Variants in NTSR1 observed in about 807,000 individuals in gnomAD.
NTSR1 encodes the protein neurotensin receptor type 1.
A neutral mutation model predicts 31.2 loss-of-function variants in NTSR1; 29 were observed. The ratio of observed to expected loss-of-function variants is 0.93; its 90% CI spans 0.69 to 1.27. The LOEUF (loss-of-function observed/expected upper bound fraction) is 1.27. NTSR1 is among the 50% of genes most tolerant of loss of function. The probability of loss-of-function intolerance (pLI) is 0.00; values close to 1 mark genes in which losing one functional copy is unlikely to be tolerated. For synonymous variants in NTSR1, 282 were observed against 269.9 expected (o/e 1.04, Z -0.44); for missense variants, 697 against 595.4 (o/e 1.17, Z -1.78).
At position 62,719,154 on chromosome 20, in the gene NTSR1, A is replaced by C. The variant is rs2427410; in HGVS notation, c.714+9233A>C. Reference sequence around the variant, plus strand: ...AAAAAAAAAGTTTTTCGTTTATTTAAGTTTTTGTTAGAGCTCTTTATAAAG... The same window carrying C: ...AAAAAAAAAGTTTTTCGTTTATTTACGTTTTTGTTAGAGCTCTTTATAAAG... On this transcript the variant is annotated intron_variant, in intron 1 of 3. Coordinates refer to ENST00000370501, the MANE Select transcript of NTSR1 (RefSeq NM_002531.3). Among the ~76,000 whole-genome samples the C allele has an allele frequency of 2.0e-5, 3 of 150,564 alleles. No homozygotes were observed. The South Asian group carries it at 6.2e-4, about 31-fold the overall frequency.
rs1346527072 is a variant in NTSR1, at chr20:62,742,669, G to T, written c.715-12016G>T. On this transcript the variant is annotated intron_variant, in intron 1 of 3. Coordinates refer to ENST00000370501, the MANE Select transcript of NTSR1 (RefSeq NM_002531.3). The surrounding 1 kb of genome is among the most constrained non-coding windows in gnomAD (Gnocchi z 7.1). ...GTGGGTGGCCGCTGCTTTTCCCTGG[G>T]TCCCTCCATGGTGTCTCCTCTGAGG... 6.7e-6 allele frequency among the ~76,000 whole-genome samples: 1 copy of T among 149,372 alleles called. No homozygotes were observed. Among genetic ancestry groups the T allele is most frequent in the Non-Finnish European group, 1.5e-5 (1 of 68,010 alleles).
intron 1 of NTSR1, among the ~76,000 whole-genome samples, chr20:62,726,439 A>G (rs1444695066): frequency 6.6e-6 from 1 of 151,964 alleles, no homozygotes; most frequent in African/African-American, 2.4e-5. Context: ...TAGAAAGGAA[A>G]CCCAAGAGGC....
At chr20:62,754,322 C>G (rs1438410706) in intron 1 of NTSR1, among the ~76,000 whole-genome samples, 2 of 152,222 alleles carry the variant, frequency 1.3e-5, no homozygotes, top group Non-Finnish European at 2.9e-5. Context: ...ATGCACACAA[C>G]ATGTCCAGAC....
rs1359458227 is a variant in NTSR1 at position 62,727,615 on chromosome 20, CAG to C, written c.714+17699_714+17700del. Among the ~76,000 whole-genome samples, 3 of 152,346 alleles carry C rather than the reference CAG, an allele frequency of 2.0e-5. No homozygotes were observed. The East Asian group carries it at 5.8e-4, about 29-fold the overall frequency. On this transcript the variant is annotated intron_variant, in intron 1 of 3. Coordinates refer to ENST00000370501, the MANE Select transcript of NTSR1 (RefSeq NM_002531.3). The stretch of plus-strand genomic sequence containing the variant: ...CATCGAGGTGACTGAGGGGATAGCA[CAG>C]AGAGGGTGGCTGGACGTGGATTTCC...
chr20:62,732,184 A>T lies in NTSR1; in HGVS notation c.714+22263A>T, dbSNP rs1989011898. On this transcript the variant is annotated intron_variant, in intron 1 of 3. Transcript: ENST00000370501. This position sits in a 1 kb window ranked among gnomAD's most constrained non-coding sequence, Gnocchi z 4.0. ...CTTTATAGCAAGTGTTGAAATCGGTAGTGTCCATCCTGTGAACTCACAGTA... is the reference window on the plus strand; with the variant it reads ...CTTTATAGCAAGTGTTGAAATCGGTTGTGTCCATCCTGTGAACTCACAGTA... Among the ~76,000 whole-genome samples, 1 of 152,012 alleles carries T rather than the reference A, an allele frequency of 6.6e-6. No individual in the cohort carries two copies. The highest frequency in any genetic ancestry group is 2.4e-5 in the African/African-American group (1 of 41,374).
Position 62,709,725 on chromosome 20 carries a change from C to T in NTSR1, c.518C>T (p.Pro173Leu), listed in dbSNP as rs1383266510. ...SVERYLAICH[P>L]FKAKTLMSRS... ...GAGCGCTACCTGGCCATCTGCCACC[C>T]CTTCAAGGCCAAGACCCTCATGTCC... The change falls in exon 1 of 4, where the codon CCC (proline) becomes CTC (leucine). Residue 173 changes from proline (P) to leucine (L), a missense_variant. Transcript: ENST00000370501. 7 of 1,612,848 alleles carry T rather than the reference C, an allele frequency of 4.3e-6. No homozygotes were observed. In the East Asian group the frequency reaches 8.9e-5, roughly 21 times the overall value.
At position 62,714,607 on chromosome 20, in the gene NTSR1, C is replaced by G. The variant is rs1988678539; in HGVS notation, c.714+4686C>G. Reference sequence around the variant, plus strand: ...CATCCTTGGAGCAAAGCCATTGAATCTGAATCTCATGGAGCCCCTGATCCA... The same window carrying G: ...CATCCTTGGAGCAAAGCCATTGAATGTGAATCTCATGGAGCCCCTGATCCA... On this transcript the variant is annotated intron_variant, in intron 1 of 3. Transcript: ENST00000370501. This position sits in a 1 kb window ranked among gnomAD's most constrained non-coding sequence, Gnocchi z 4.1. 6.6e-6 allele frequency among the ~76,000 whole-genome samples: 1 copy of G among 152,156 alleles called. No homozygotes were observed. Among genetic ancestry groups the G allele is most frequent in the African/African-American group, 2.4e-5 (1 of 41,416 alleles).
At chr20:62,749,268 C>T (rs758324820) in intron 1 of NTSR1, among the ~76,000 whole-genome samples, 17 of 152,164 alleles carry the variant, frequency 1.1e-4, no homozygotes, top group South Asian at 4.1e-4. Context: ...GGTGAAACCC[C>T]GTCTCTACTA....
At chr20:62,735,915 G>T (rs963123950) in intron 1 of NTSR1, among the ~76,000 whole-genome samples, 1 of 152,242 alleles carries the variant, frequency 6.6e-6, no homozygotes, top group Non-Finnish European at 1.5e-5. Context: ...TTCCTCACGG[G>T]TTCAGCACTT....
At chr20:62,747,403 A>G (rs1989319642) in intron 1 of NTSR1, among the ~76,000 whole-genome samples, 1 of 136,844 alleles carries the variant, frequency 7.3e-6, no homozygotes, top group African/African-American at 2.9e-5. Context: ...TGACAGACCC[A>G]CAGCTAACAC....
At chr20:62,717,956 A>C (rs1344156995) in intron 1 of NTSR1, among the ~76,000 whole-genome samples, 2 of 152,104 alleles carry the variant, frequency 1.3e-5, no homozygotes, top group Non-Finnish European at 2.9e-5. Context: ...GGGTGCAGGC[A>C]GGTCAGGAAG....
chr20:62,716,261 C>T lies in NTSR1; in HGVS notation c.714+6340C>T, dbSNP rs1568696121. Among the ~76,000 whole-genome samples, 3 of 152,266 alleles carry T rather than the reference C, an allele frequency of 2.0e-5. No individual in the cohort carries two copies. The East Asian group carries it at 5.8e-4, about 29-fold the overall frequency. ...CGGTGAGGTGGATGACTCAGACTGGCAGAATCTCAGGCCTCCCCTGGGTCT... is the reference window on the plus strand; with the variant it reads ...CGGTGAGGTGGATGACTCAGACTGGTAGAATCTCAGGCCTCCCCTGGGTCT... On this transcript the variant is annotated intron_variant, in intron 1 of 3. Coordinates refer to ENST00000370501, the MANE Select transcript of NTSR1 (RefSeq NM_002531.3).
rs1460883487 is a variant in NTSR1, at chr20:62,711,590, G to C, written c.714+1669G>C. Reference sequence around the variant, plus strand: ...CCCCGATCCCCCCGCTCAGATCCCCGATCCCCCCGCTCAGAACCCCGATCC... The same window carrying C: ...CCCCGATCCCCCCGCTCAGATCCCCCATCCCCCCGCTCAGAACCCCGATCC... On this transcript the variant is annotated intron_variant, in intron 1 of 3. Transcript: ENST00000370501. This position sits in a 1 kb window ranked among gnomAD's most constrained non-coding sequence, Gnocchi z 6.4. Among the ~76,000 whole-genome samples, 1 of 51,320 alleles carries C rather than the reference G, an allele frequency of 1.9e-5. No homozygotes were observed. Among genetic ancestry groups the C allele is most frequent in the Non-Finnish European group, 3.6e-5 (1 of 27,950 alleles). The allele number at this position is 51,320 out of a possible 152,430, so 33.7% of individuals were successfully genotyped here.
chr20:62,709,909 G>C lies in NTSR1; in HGVS notation c.702G>C (p.Lys234Asn). The change falls in exon 1 of 4, where the codon AAG (lysine) becomes AAC (asparagine). Residue 234 changes from lysine to asparagine, a missense_variant. Transcript: ENST00000370501. ...CCACCATCCACACTGCCACCGTCAAGGTCGTCATACAGGTGAGCCTCAGTA... is the reference window on the plus strand; with the variant it reads ...CCACCATCCACACTGCCACCGTCAACGTCGTCATACAGGTGAGCCTCAGTA... Reference protein sequence around the residue: ...CTPTIHTATVKVVIQVNTFMS... With the variant: ...CTPTIHTATVNVVIQVNTFMS... The C allele has an allele frequency of 6.3e-7, 1 of 1,594,472 alleles. No homozygotes were observed. The highest frequency in any genetic ancestry group is 8.6e-7 in the Non-Finnish European group (1 of 1,167,536).
intron 3 of NTSR1, among the ~76,000 whole-genome samples, chr20:62,759,774 CAAA>C (rs11403481): frequency 7.6e-6 from 1 of 131,228 alleles, no homozygotes; most frequent in Admixed American, 7.3e-5. Context: ...GACTCCGTCT[CAAA>C]AAAAAAAAAA....
In NTSR1 at chr20:62,732,778, A is replaced by G. The variant is rs1989020698; in HGVS notation, c.715-21907A>G. On this transcript the variant is annotated intron_variant, in intron 1 of 3. Transcript: ENST00000370501. This position sits in a 1 kb window ranked among gnomAD's most constrained non-coding sequence, Gnocchi z 4.0. ...TTTCCTGGAAGAGACTGTAGAGAGTATCTATCATCTGTTCCTTAAATGCAA... is the reference window on the plus strand; with the variant it reads ...TTTCCTGGAAGAGACTGTAGAGAGTGTCTATCATCTGTTCCTTAAATGCAA... 1 of 152,146 alleles carries G rather than the reference A, an allele frequency of 6.6e-6. No homozygotes were observed. The highest frequency in any genetic ancestry group is 2.1e-4 in the South Asian group (1 of 4,828). 9.4% of individuals were successfully genotyped at this position (152,146 alleles called of 1,614,324 possible).
intron 1 of NTSR1, among the ~76,000 whole-genome samples, chr20:62,723,757 G>C (rs1376269999): frequency 6.6e-6 from 1 of 152,222 alleles, no homozygotes; most frequent in Non-Finnish European, 1.5e-5. Context: ...TCTCTGGCCT[G>C]TCCTTAGTAC....
chr20:62,758,528 G>C lies in NTSR1; in HGVS notation c.1007+172G>C, dbSNP rs1164578261. On this transcript the variant is annotated intron_variant, in intron 3 of 3. Coordinates refer to ENST00000370501, the MANE Select transcript of NTSR1 (RefSeq NM_002531.3). The surrounding 1 kb of genome is among the most constrained non-coding windows in gnomAD (Gnocchi z 4.5). ...TGACTGGGGCCGGGAGAAGGCCATG[G>C]AGGGACAGGTTCAAGGCAGGGGCTA... 1.3e-5 allele frequency among the ~76,000 whole-genome samples: 2 copies of C among 152,188 alleles called. No individual in the cohort carries two copies. Among genetic ancestry groups the C allele is most frequent in the African/African-American group, 2.4e-5 (1 of 41,432 alleles).
Position 62,744,868 on chromosome 20 carries a change from A to G in NTSR1, c.715-9817A>G, listed in dbSNP as rs548565826. ...CTTCTGAGAGGCTTGAGGCCCTACC[A>G]ACCACTCAAACGCCATTCCCAGACC... On this transcript the variant is annotated intron_variant, in intron 1 of 3. Coordinates refer to ENST00000370501, the MANE Select transcript of NTSR1 (RefSeq NM_002531.3). The surrounding 1 kb of genome is among the most constrained non-coding windows in gnomAD (Gnocchi z 4.1). Among the ~76,000 whole-genome samples the G allele has an allele frequency of 6.6e-6, 1 of 152,190 alleles. No homozygotes were observed. Among genetic ancestry groups the G allele is most frequent in the Non-Finnish European group, 1.5e-5 (1 of 68,032 alleles).
Sources: gnomAD v4.1 joint callset for allele counts (sites outside exome capture counted in the v4.1 genomes callset) on GRCh38, gnomAD v4.1.1 for gene constraint, Gnocchi (gnomAD v3.1) non-coding constraint, MANE v1.5 for transcripts, NCBI Gene and HGNC (gene_info 2026-07-23, HGNC 2026-07-21) for gene names.